Variants in RNF213 observed in about 807,000 individuals in gnomAD.
RNF213 encodes the protein ring finger protein 213, also known as E3 ubiquitin-protein ligase RNF213.
A neutral mutation model predicts 514.4 loss-of-function variants in RNF213; 341 were observed. The observed-to-expected ratio is 0.66, with a 90% CI of 0.61 to 0.73. The LOEUF is 0.73. Among genes scored for constraint, RNF213 ranks in the 30% least tolerant of loss-of-function variants. The probability of loss-of-function intolerance (pLI) is 0.00; values close to 1 mark genes in which losing one functional copy is unlikely to be tolerated. For synonymous variants in RNF213, 2,655 were observed against 2,658.2 expected (o/e 1.00, Z 0.04); for missense variants, 5,767 against 6,615.6 (o/e 0.87, Z 4.45).
Position 80,354,098 on chromosome 17 carries a change from G to A in RNF213, c.10658G>A (p.Ser3553Asn). Reference sequence around the variant, plus strand: ...GGCATGCTCAGAGACCAGAACGAGAGCTGCACGCGCAATATGCGGAGGGTG... The same window carrying A: ...GGCATGCTCAGAGACCAGAACGAGAACTGCACGCGCAATATGCGGAGGGTG... ...AVGMLRDQNE[S>N]CTRNMRRVVL... is the part of the protein sequence containing the mutation. Residue 3553 changes from serine (S) to asparagine (N), a missense_variant, in exon 35 of 68, where the codon AGC (serine) becomes AAC (asparagine). Physicochemically the swap from Ser to Asn is conservative, Grantham distance 46 (BLOSUM62 1). This residue lies in a region of RNF213 where 919 missense variants were observed against 1,121.0 expected (regional missense o/e 0.82). Coordinates refer to ENST00000582970, the MANE Select transcript of RNF213 (RefSeq NM_001256071.3). 2 of 1,614,114 alleles carry A rather than the reference G, an allele frequency of 1.2e-6. No homozygotes were observed. The highest frequency in any genetic ancestry group is 1.7e-6 in the Non-Finnish European group (2 of 1,180,044).
At chr17:80,268,357 A>G (rs1211085503) in intron 2 of RNF213, among the ~76,000 whole-genome samples, 1 of 122,780 alleles carries the variant, frequency 8.1e-6, no homozygotes, top group African/African-American at 3.3e-5. Flanking sequence ...TGTCTCAGAA[A>G]AAAAAAAAAA....
intron 49 of RNF213, among the ~76,000 whole-genome samples, chr17:80,373,704 C>T (rs959318539): frequency 6.6e-6 from 1 of 152,116 alleles, no homozygotes; most frequent in African/African-American, 2.4e-5. Flanking sequence ...GCAGAAGAGG[C>T]TTCAAGGCCA....
Position 80,332,158 on chromosome 17 carries a change from A to G in RNF213, c.3670A>G (p.Ile1224Val). Residue 1224 changes from isoleucine (I) to valine (V), a missense_variant, in exon 21 of 68, where the codon ATA becomes GTA. Coordinates refer to ENST00000582970, the MANE Select transcript of RNF213 (RefSeq NM_001256071.3). ...CCAGGTCCAAGAAATGGCTGGGAAG[A>G]TAGACTTGCTCAGAGACAGCCACAT... ...SSQVQEMAGK[I>V]DLLRDSHIFQ... 6.5e-7 allele frequency: 1 copy of G among 1,537,206 alleles called. No homozygotes were observed. The highest frequency in any genetic ancestry group is 8.7e-7 in the Non-Finnish European group (1 of 1,146,918).
chr17:80,278,449 C>T (rs920058544), intron 3 of RNF213, among the ~76,000 whole-genome samples: 1 of 152,210 alleles, frequency 6.6e-6, no homozygotes, highest in Non-Finnish European at 1.5e-5. Context: ...GCGCCGGGAG[C>T]CTGGTAGGGT....
Position 80,381,626 on chromosome 17 carries a change from A to G in RNF213, c.13877A>G (p.Gln4626Arg), listed in dbSNP as rs988132291. ...LQQHILKDLE[Q>R]LAKMLGHSAD... ...CAGCACATCCTGAAGGACCTGGAGC[A>G]GTTGGCCAAGATGCTGGGACACAGT... is the stretch of plus-strand genomic sequence containing the variant. The change falls in exon 57 of 68, where the codon CAG becomes CGG. Residue 4626 changes from glutamine to arginine, a missense_variant. Gln to Arg is a conservative substitution (Grantham distance 43, BLOSUM62 1). Transcript: ENST00000582970. The G allele has an allele frequency of 6.2e-7, 1 of 1,614,260 alleles. No individual in the cohort carries two copies. The highest frequency in any genetic ancestry group is 1.7e-5 in the Admixed American group (1 of 60,028).
rs148647030 is a variant in RNF213, at chr17:80,286,891, A to G, written c.262-924A>G. On this transcript the variant is annotated intron_variant, in intron 3 of 67. Transcript: ENST00000582970. Reference sequence around the variant, plus strand: ...TCCCACCAGCCGCAGTCCTGGTTCCAAAATGGGGACCGTACACCTGAACCT... The same window carrying G: ...TCCCACCAGCCGCAGTCCTGGTTCCGAAATGGGGACCGTACACCTGAACCT... 4.0e-3 allele frequency among the ~76,000 whole-genome samples: 609 copies of G among 152,224 alleles called. 7 individuals are homozygous for G. Among genetic ancestry groups the G allele is most frequent in the African/African-American group, 0.014 (587 of 41,520 alleles).
At chr17:80,350,533 T>G in intron 31 of RNF213, 137 bp downstream of exon 31, 6 of 670,476 alleles carry the variant, frequency 8.9e-6, no homozygotes, top group Non-Finnish European at 1.6e-5. Flanking sequence ...CCCCGCCTCA[T>G]TCCCCCAAGT....
chr17:80,353,583 G>A lies in RNF213; in HGVS notation c.10495G>A (p.Val3499Met), dbSNP rs758883572. 2 of 1,613,548 alleles carry A rather than the reference G, an allele frequency of 1.2e-6. No individual in the cohort carries two copies. Residue 3499 changes from valine to methionine, a missense_variant, in exon 34 of 68, where the codon GTG becomes ATG. This residue lies in a region of RNF213 where 919 missense variants were observed against 1,121.0 expected (regional missense o/e 0.82). Transcript: ENST00000582970. The surrounding 1 kb of genome is among the most constrained non-coding windows in gnomAD (Gnocchi z 5.0). Reference sequence around the variant, plus strand: ...GACGGAGGCCAGCACATCAGGGGAGGTGGCAGAGGTGGCAGAGGAGGCCAT... The same window carrying A: ...GACGGAGGCCAGCACATCAGGGGAGATGGCAGAGGTGGCAGAGGAGGCCAT... ...METEASTSGE[V>M]AEVAEEAMET... is the part of the protein sequence containing the mutation.
intron 17 of RNF213, among the ~76,000 whole-genome samples, chr17:80,322,296 G>A (rs2046166527): frequency 6.6e-6 from 1 of 151,206 alleles, no homozygotes; most frequent in African/African-American, 2.4e-5. Context: ...GAGTAGCAGG[G>A]ACTACAGGCA....
chr17:80,300,830 G>A (rs1012095409), intron 11 of RNF213, among the ~76,000 whole-genome samples: 1 of 152,270 alleles, frequency 6.6e-6, no homozygotes, highest in Non-Finnish European at 1.5e-5. Flanking sequence ...GGGATTGCAT[G>A]TGTGAGCCAC....
At chr17:80,372,468 C>A in intron 47 of RNF213, 53 bp from the exon 48 acceptor site, 1 of 1,303,130 alleles carries the variant, frequency 7.7e-7, no homozygotes, top group Non-Finnish European at 1.1e-6. Flanking sequence ...AAGCTTGGGG[C>A]ATCCATGTTT....
Position 80,377,836 on chromosome 17 carries a change from T to C in RNF213, c.13545+40T>C. 6.2e-7 allele frequency: 1 copy of C among 1,610,838 alleles called. No homozygotes were observed. The highest frequency in any genetic ancestry group is 8.5e-7 in the Non-Finnish European group (1 of 1,177,048). Reference sequence around the variant, plus strand: ...TTAAGATAGGGTTTGAGGGGTGGCGTGCACTCCTGGGTTGGAGGAGGGGGA... The same window carrying C: ...TTAAGATAGGGTTTGAGGGGTGGCGCGCACTCCTGGGTTGGAGGAGGGGGA... On this transcript the variant is annotated intron_variant, in intron 54 of 67. Transcript: ENST00000582970. The surrounding 1 kb of genome is among the most constrained non-coding windows in gnomAD (Gnocchi z 4.1).
chr17:80,382,096 G>A (rs185721387), intron 57 of RNF213: 277 of 310,870 alleles, frequency 8.9e-4, no homozygotes, highest in Admixed American at 5.9e-3. Flanking sequence ...CTGGGAGCAC[G>A]TGTCGTCCAC....
intron 21 of RNF213, chr17:80,333,865 A>C: frequency 1.9e-6 from 1 of 522,392 alleles, no homozygotes; most frequent in East Asian, 3.3e-5. Context: ...CACTTTATTA[A>C]AATGCTTAGC....
intron 26 of RNF213, chr17:80,340,613 T>G (rs951126252): frequency 2.9e-5 from 7 of 237,938 alleles, no homozygotes; most frequent in Non-Finnish European, 4.7e-5. Context: ...TTTGTGGTTT[T>G]TTTTTTTTTT....
intron 17 of RNF213, among the ~76,000 whole-genome samples, chr17:80,322,981 GTTTA>G (rs1380436274): frequency 1.3e-5 from 2 of 152,252 alleles, no homozygotes; most frequent in Non-Finnish European, 2.9e-5. Context: ...TTACTCCTAT[GTTTA>G]TTTATCTCTA....
In RNF213 at chr17:80,347,071, G is replaced by C. The variant is rs148818590; in HGVS notation, c.8736G>C (p.Glu2912Asp). Residue 2912 changes from glutamate (E) to aspartate (D), a missense_variant, in exon 29 of 68, where the codon GAG becomes GAC. Physicochemically the swap from Glu to Asp is conservative, Grantham distance 45 (BLOSUM62 2). Around this residue, in one of 13 missense-constraint regions of RNF213, gnomAD observed 919 missense variants for 1,121.0 expected, o/e 0.82. Transcript: ENST00000582970. This position sits in a 1 kb window ranked among gnomAD's most constrained non-coding sequence, Gnocchi z 7.2. ...RGSPNETELIESAKGICSSDI... is the reference protein window; with the variant it reads ...RGSPNETELIDSAKGICSSDI... ...GCCCCAACGAGACAGAGCTCATAGA[G>C]AGCGCCAAGGGCATCTGCTCCTCAG... 4 of 1,614,104 alleles carry C rather than the reference G, an allele frequency of 2.5e-6. No individual in the cohort carries two copies. In the African/African-American group the frequency reaches 5.3e-5, roughly 22 times the overall value.
At chr17:80,289,858 G>T (rs779899461) in intron 6 of RNF213, 21 bp downstream of exon 6, 13 of 1,596,230 alleles carry the variant, frequency 8.1e-6, no homozygotes, top group Middle Eastern at 2.2e-4. Context: ...CCCCGCAGGG[G>T]AGCAAAGGAG....
chr17:80,353,889 CTTCT>C lies in RNF213; in HGVS notation c.10579-127_10579-124del. 7.5e-7 allele frequency: 1 copy of C among 1,334,930 alleles called. No individual in the cohort carries two copies. The highest frequency in any genetic ancestry group is 1.4e-5 in the African/African-American group (1 of 69,332). The allele number at this position is 1,334,930 out of a possible 1,614,324, so 82.7% of individuals were successfully genotyped here. On this transcript the variant is annotated intron_variant, in intron 34 of 67. Coordinates refer to ENST00000582970, the MANE Select transcript of RNF213 (RefSeq NM_001256071.3). The surrounding 1 kb of genome is among the most constrained non-coding windows in gnomAD (Gnocchi z 5.0). ...GGGTGCAGGGCGGAGGTCGGCGTCT[CTTCT>C]TTGTCCGTGAGGACCGCCGCCCTGT...
Sources: allele counts gnomAD v4.1 joint callset (sites outside exome capture counted in the v4.1 genomes callset), GRCh38; gene constraint gnomAD v4.1.1; regional missense constraint gnomAD v4.1.1; non-coding constraint Gnocchi (gnomAD v3.1); transcripts MANE v1.5; gene names NCBI Gene and HGNC (gene_info 2026-07-23, HGNC 2026-07-21).